TENM3: variants seen among roughly 807,000 people sequenced by gnomAD.
TENM3 encodes teneurin transmembrane protein 3.
TENM3 carries 63 observed loss-of-function variants against 255.1 expected under a neutral mutation model. The observed-to-expected ratio is 0.25, with a 90% CI of 0.20 to 0.30. TENM3 has a LOEUF of 0.30. Ranked by LOEUF, TENM3 falls within the 10% of genes least tolerant of loss-of-function variation. The probability of loss-of-function intolerance (pLI) is 1.00; values close to 1 mark genes in which losing one functional copy is unlikely to be tolerated. For synonymous variants in TENM3, 1,306 were observed against 1,322.3 expected (o/e 0.99, Z 0.27); for missense variants, 2,929 against 3,461.1 (o/e 0.85, Z 3.86).
At chr4:182,724,089 C>T (rs1306053605) in intron 13 of TENM3, among the ~76,000 whole-genome samples, 2 of 152,158 alleles carry the variant, frequency 1.3e-5, no homozygotes, top group Non-Finnish European at 2.9e-5. Flanking sequence ...GACTGCAAAG[C>T]CTAAACAGAA....
chr4:182,487,732 C>G (rs939676733), intron 3 of TENM3, among the ~76,000 whole-genome samples: 4 of 152,086 alleles, frequency 2.6e-5, no homozygotes, highest in Non-Finnish European at 4.4e-5. Flanking sequence ...ATGCAGGTAA[C>G]ATAATCACAT....
chr4:182,071,860 G>T, the TENM3 span, among the ~76,000 whole-genome samples: 3 of 152,028 alleles, frequency 2.0e-5, no homozygotes, highest in South Asian at 6.2e-4. Context: ...CTGTACTTCA[G>T]GGCCTTTTAA....
the TENM3 span, among the ~76,000 whole-genome samples, chr4:181,941,789 G>T: frequency 1.3e-5 from 2 of 152,146 alleles, no homozygotes; most frequent in Non-Finnish European, 2.9e-5. Context: ...CTAGAGGTTT[G>T]GTTTTACCTT....
chr4:182,683,216 C>G (rs191429592), intron 11 of TENM3, among the ~76,000 whole-genome samples: 2 of 152,226 alleles, frequency 1.3e-5, no homozygotes, highest in Admixed American at 1.3e-4. Flanking sequence ...TCATGGGACA[C>G]TCTTCACAAA....
the TENM3 span, among the ~76,000 whole-genome samples, chr4:182,074,092 C>G: frequency 6.6e-6 from 1 of 152,062 alleles, no homozygotes; most frequent in African/African-American, 2.4e-5. Flanking sequence ...TGGCAGGGTC[C>G]CAGCTCTGTT....
chr4:182,386,663 C>T (rs1349778859), intron 3 of TENM3, among the ~76,000 whole-genome samples: 3 of 152,242 alleles, frequency 2.0e-5, no homozygotes, highest in Admixed American at 6.5e-5. Flanking sequence ...GAGCTGCCGG[C>T]CGGCCGGGGC....
the TENM3 span, among the ~76,000 whole-genome samples, chr4:181,840,243 A>AT: frequency 6.6e-6 from 1 of 151,770 alleles, no homozygotes; most frequent in Non-Finnish European, 1.5e-5. Context: ...TCTTCCCTTG[A>AT]TTTTTTCTTT....
At chr4:181,672,902 C>G in the TENM3 span, among the ~76,000 whole-genome samples, 2 of 152,170 alleles carry the variant, frequency 1.3e-5, no homozygotes, top group Admixed American at 1.3e-4. Flanking sequence ...GGCTGGCACC[C>G]TAGCTGAGGA....
chr4:181,971,632 T>A, the TENM3 span, among the ~76,000 whole-genome samples: 3 of 152,054 alleles, frequency 2.0e-5, no homozygotes, highest in African/African-American at 7.2e-5. Context: ...AGTGGCATGA[T>A]CATAGCTCAC....
chr4:181,918,291 CCTTAA>C, the TENM3 span, among the ~76,000 whole-genome samples: 18 of 152,238 alleles, frequency 1.2e-4, no homozygotes, highest in East Asian at 1.9e-4. Context: ...AATAGCTTTT[CCTTAA>C]CTTTTAGAAA....
At position 182,444,636 on chromosome 4, in the gene TENM3, A is replaced by G. The variant is rs183906355; in HGVS notation, c.511+97707A>G. On this transcript the variant is annotated intron_variant, in intron 3 of 27. Coordinates refer to ENST00000511685, the MANE Select transcript of TENM3 (RefSeq NM_001080477.4). ...TTTCCTGACCTCTTGAGGTAATTTGAAAACACAGGAGAAATCGAGGACTAT... is the reference window on the plus strand; with the variant it reads ...TTTCCTGACCTCTTGAGGTAATTTGGAAACACAGGAGAAATCGAGGACTAT... 2.6e-5 allele frequency among the ~76,000 whole-genome samples: 4 copies of G among 152,278 alleles called. No individual in the cohort carries two copies. The East Asian group carries it at 7.7e-4, about 29-fold the overall frequency.
chr4:182,307,191 G>A (rs891099711), intron 1 of TENM3, among the ~76,000 whole-genome samples: 2 of 152,238 alleles, frequency 1.3e-5, no homozygotes, highest in African/African-American at 4.8e-5. Flanking sequence ...TGGGGCAGAT[G>A]AAGAGGAATG....
chr4:181,984,485 C>G, the TENM3 span, among the ~76,000 whole-genome samples: 1 of 151,786 alleles, frequency 6.6e-6, no homozygotes, highest in African/African-American at 2.4e-5. Flanking sequence ...CTCTAGAATT[C>G]TTGTGAGTTG....
At chr4:182,694,183 C>T (rs1158358398) in intron 12 of TENM3, among the ~76,000 whole-genome samples, 1 of 151,964 alleles carries the variant, frequency 6.6e-6, no homozygotes, top group Non-Finnish European at 1.5e-5. Context: ...GGTCACGGCT[C>T]ACTGCAGCCT....
At chr4:181,506,374 T>C in the TENM3 span, among the ~76,000 whole-genome samples, 1 of 150,488 alleles carries the variant, frequency 6.6e-6, no homozygotes, top group Non-Finnish European at 1.5e-5. Flanking sequence ...CCTGCCCAAA[T>C]CCAGGACGGA....
chr4:182,562,682 C>T (rs1179954652), intron 3 of TENM3, among the ~76,000 whole-genome samples: 8 of 152,146 alleles, frequency 5.3e-5, no homozygotes, highest in Non-Finnish European at 1.2e-4. Flanking sequence ...CTACTTTACC[C>T]TCCTGGAAAA....
chr4:181,741,710 C>G, the TENM3 span, among the ~76,000 whole-genome samples: 2 of 152,120 alleles, frequency 1.3e-5, no homozygotes, highest in African/African-American at 4.8e-5. Flanking sequence ...GGGGCCTAGT[C>G]AGCACTAGGA....
chr4:182,769,584 C>CCA (rs1764008823), intron 22 of TENM3, among the ~76,000 whole-genome samples: 1 of 148,480 alleles, frequency 6.7e-6, no homozygotes, highest in Non-Finnish European at 1.5e-5. Flanking sequence ...GAGTTTGAGA[C>CCA]CAGTCTGGCC....
chr4:182,242,776 C>A (rs6840036), upstream of TENM3, among the ~76,000 whole-genome samples: 22 of 152,034 alleles, frequency 1.4e-4, no homozygotes, highest in East Asian at 2.7e-3. Flanking sequence ...ATAAAACTTA[C>A]TGGTTTTCCT....
Sources: allele counts gnomAD v4.1 joint callset (sites outside exome capture counted in the v4.1 genomes callset), GRCh38; gene constraint gnomAD v4.1.1; transcripts MANE v1.5; gene names NCBI Gene and HGNC (gene_info 2026-07-23, HGNC 2026-07-21).